The following DHX38 variants were observed in gnomAD, a reference collection of about 807,000 sequenced individuals.
The protein encoded by DHX38 is DEAH-box helicase 38.
In DHX38, 100 loss-of-function variants were observed where a neutral mutation model predicts 153.1. The observed-to-expected ratio is 0.65, with a 90% CI of 0.56 to 0.77. The LOEUF (loss-of-function observed/expected upper bound fraction) is 0.77, where lower values mean the gene tolerates loss of function less well. Among genes scored for constraint, DHX38 ranks in the 30% least tolerant of loss-of-function variants. The pLI, the probability that DHX38 is intolerant of heterozygous loss-of-function variation, is 0.00. For missense variants in DHX38, 1,440 were observed against 1,654.0 expected, an observed-to-expected ratio of 0.87 and a Z score of 2.24; for synonymous variants, 650 against 631.7, an observed-to-expected ratio of 1.03 and a Z score of -0.43.
chr16:72,098,839 G>C, intron 5 of DHX38, 47 bp downstream of exon 5: 1 of 1,613,360 alleles, frequency 6.2e-7, no homozygotes, highest in South Asian at 1.1e-5. Context: ...TGGGCGGTAA[G>C]GAGCCTCGGC....
At position 72,103,709 on chromosome 16, in the gene DHX38, G is replaced by A. The variant is rs1218669009; in HGVS notation, c.1745G>A (p.Cys582Tyr). 6 of 1,614,050 alleles carry A rather than the reference G, an allele frequency of 3.7e-6. No individual in the cohort carries two copies. The highest frequency in any genetic ancestry group is 5.1e-6 in the Non-Finnish European group (6 of 1,180,002). ...DGYTDYGMIG[C>Y]TQPRRVAAMS... Reference sequence around the variant, plus strand: ...TACACGGACTATGGGATGATTGGGTGTACCCAGCCCCGGCGTGTAGCTGCC... The same window carrying A: ...TACACGGACTATGGGATGATTGGGTATACCCAGCCCCGGCGTGTAGCTGCC... Residue 582 changes from cysteine to tyrosine, a missense_variant, in exon 13 of 27, where the codon TGT (cysteine) becomes TAT (tyrosine). By Grantham distance (194) the Cys-to-Tyr change is radical. This residue lies in a region of DHX38 where 241 missense variants were observed against 229.5 expected (regional missense o/e 1.05). Coordinates refer to ENST00000268482, the MANE Select transcript of DHX38 (RefSeq NM_014003.4).
Position 72,096,785 on chromosome 16 carries a change from A to G in DHX38, c.324-37A>G, listed in dbSNP as rs565114277. The G allele has an allele frequency of 5.7e-6, 9 of 1,584,672 alleles. No individual in the cohort carries two copies. The East Asian group carries it at 1.3e-4, about 24-fold the overall frequency. ...GGTTTTAGGGCAGAGTTTTTCTCCT[A>G]TGGAGGGGCCTTTACCAGTTGCTCT... On this transcript the variant is annotated intron_variant, in intron 2 of 26. Coordinates refer to ENST00000268482, the MANE Select transcript of DHX38 (RefSeq NM_014003.4).
chr16:72,099,054 T>A lies in DHX38; in HGVS notation c.883+9T>A, dbSNP rs1411105979. On this transcript the variant is annotated intron_variant, in intron 6 of 26. Transcript: ENST00000268482. ...TCTGTCCAGGGGCCGAGGTGAGGCC[T>A]GTGGGGCAGCAGGCAGAAGAGCAGG... The A allele has an allele frequency of 6.8e-6, 11 of 1,612,212 alleles. No homozygotes were observed. Among genetic ancestry groups the A allele is most frequent in the Non-Finnish European group, 8.5e-6 (10 of 1,179,842 alleles).
intron 3 of DHX38, chr16:72,097,470 T>TG: frequency 1.9e-6 from 1 of 531,326 alleles, no homozygotes; most frequent in East Asian, 3.0e-5. Flanking sequence ...AAATAACTGT[T>TG]ACTGTGGGTT....
Position 72,097,739 on chromosome 16 carries a change from A to T in DHX38, c.574A>T (p.Ser192Cys), listed in dbSNP as rs2144134065. 6.2e-7 allele frequency: 1 copy of T among 1,614,190 alleles called. No homozygotes were observed. Among genetic ancestry groups the T allele is most frequent in the South Asian group, 1.1e-5 (1 of 91,070 alleles). ...SERDGGSERSSRRNEPESPRH... is the reference protein window; with the variant it reads ...SERDGGSERSCRRNEPESPRH... The stretch of plus-strand genomic sequence containing the variant: ...GCGAGATGGAGGGTCAGAGCGTAGC[A>T]GCAGAAGAAATGAACCCGAGAGCCC... Residue 192 changes from serine (S) to cysteine (C), a missense_variant, in exon 4 of 27, where the codon AGC becomes TGC. Physicochemically the swap from Ser to Cys is moderately radical, Grantham distance 112. Coordinates refer to ENST00000268482, the MANE Select transcript of DHX38 (RefSeq NM_014003.4).
At chr16:72,111,525 C>G (rs2042256337) in intron 26 of DHX38, among the ~76,000 whole-genome samples, 1 of 152,192 alleles carries the variant, frequency 6.6e-6, no homozygotes, top group Non-Finnish European at 1.5e-5. Context: ...CCCATGGACC[C>G]CTGCAGGTTC....
chr16:72,104,540 G>A lies in DHX38; in HGVS notation c.2065G>A (p.Ala689Thr). 1.2e-6 allele frequency: 2 copies of A among 1,614,182 alleles called. No individual in the cohort carries two copies. Among genetic ancestry groups the A allele is most frequent in the Non-Finnish European group, 8.5e-7 (1 of 1,180,032 alleles). The change falls in exon 15 of 27, where the codon GCG becomes ACG. Residue 689 changes from alanine to threonine, a missense_variant. Physicochemically the swap from Ala to Thr is moderately conservative, Grantham distance 58. Around this residue, in one of 6 missense-constraint regions of DHX38, gnomAD observed 543 missense variants for 717.9 expected, o/e 0.76. Transcript: ENST00000268482. This position sits in a 1 kb window ranked among gnomAD's most constrained non-coding sequence, Gnocchi z 4.5. ...KLIVTSATMDAEKFAAFFGNV... is the reference protein window; with the variant it reads ...KLIVTSATMDTEKFAAFFGNV... ...CATCGTCACATCAGCCACGATGGAT[G>A]CGGAGAAGTTTGCTGCCTTTTTTGG...
At position 72,107,589 on chromosome 16, in the gene DHX38, C is replaced by G. The variant is rs376265558; in HGVS notation, c.2809+41C>G. 39 of 1,608,006 alleles carry G rather than the reference C, an allele frequency of 2.4e-5. No individual in the cohort carries two copies. Among genetic ancestry groups the G allele is most frequent in the Non-Finnish European group, 3.1e-5 (37 of 1,175,024 alleles). ...GAGCCTCATGGGTGCTGGCGCTTGA[C>G]TTCCTTCTTTCCTCTACTGTCCCGT... On this transcript the variant is annotated intron_variant, in intron 20 of 26. Transcript: ENST00000268482. The surrounding 1 kb of genome is among the most constrained non-coding windows in gnomAD (Gnocchi z 5.3).
chr16:72,096,409 G>A lies in DHX38; in HGVS notation c.252G>A (p.Glu84=), dbSNP rs142792449. 3 of 1,614,096 alleles carry A rather than the reference G, an allele frequency of 1.9e-6. No homozygotes were observed. Among genetic ancestry groups the A allele is most frequent in the Non-Finnish European group, 2.5e-6 (3 of 1,180,020 alleles). The change falls in exon 2 of 27, where the codon GAG becomes GAA. Residue 84 remains glutamate (E), a synonymous_variant. Coordinates refer to ENST00000268482, the MANE Select transcript of DHX38 (RefSeq NM_014003.4). ...TCTCCTCCTACAAGGACTGGGAAGAGAGCAAGGATGACCAGAAGGATGCTG... is the reference window on the plus strand; with the variant it reads ...TCTCCTCCTACAAGGACTGGGAAGAAAGCAAGGATGACCAGAAGGATGCTG... ...SKVSSYKDWE[E]SKDDQKDAEE... is the part of the protein sequence containing the mutation.
chr16:72,108,425 C>G, intron 22 of DHX38, 43 bp downstream of exon 22: 2 of 1,613,468 alleles, frequency 1.2e-6, no homozygotes, highest in African/African-American at 2.7e-5. Flanking sequence ...AGGGGAGGGT[C>G]GAGAGGAAAG....
rs763358549 is a variant in DHX38, at chr16:72,112,686, C to T, written c.*189C>T. 2.5e-5 allele frequency: 18 copies of T among 727,174 alleles called. No homozygotes were observed. The highest frequency in any genetic ancestry group is 2.3e-4 in the Middle Eastern group (1 of 4,430). 45.0% of individuals were successfully genotyped at this position (727,174 alleles called of 1,614,324 possible). A position where few individuals can be genotyped will look rare whatever the true frequency, so the allele number is the denominator to read the frequency against. ...GGTGGAGTTCTTCCATGCAGGAGCA[C>T]GGCATGGCGGGAGCGGGGCTGCAGA... On this transcript the variant is annotated 3_prime_UTR_variant, in exon 27 of 27. Coordinates refer to ENST00000268482, the MANE Select transcript of DHX38 (RefSeq NM_014003.4).
chr16:72,103,937 G>C lies in DHX38; in HGVS notation c.1825-9G>C, dbSNP rs950186007. On this transcript the variant is annotated splice_polypyrimidine_tract_variant and intron_variant, in intron 13 of 26. Coordinates refer to ENST00000268482, the MANE Select transcript of DHX38 (RefSeq NM_014003.4). ...GCCAGGGCATCTGAGCCATCTCTCT[G>C]ACCTCCAGGTGGGCTATGCCATCCG... 47 of 1,613,054 alleles carry C rather than the reference G, an allele frequency of 2.9e-5. No homozygotes were observed. The highest frequency in any genetic ancestry group is 3.7e-5 in the Non-Finnish European group (44 of 1,179,194).
At chr16:72,112,344 G>GC (rs1178737144) in intron 26 of DHX38, 69 bp from the exon 27 acceptor site, 2 of 1,500,810 alleles carry the variant, frequency 1.3e-6, no homozygotes, top group Non-Finnish European at 1.8e-6. Context: ...CTGGGGCTCT[G>GC]CATCCTCCTG....
chr16:72,103,144 T>G lies in DHX38; in HGVS notation c.1570T>G (p.Ser524Ala). Residue 524 changes from serine (S) to alanine (A), a missense_variant, in exon 12 of 27, where the codon TCC (serine) becomes GCC (alanine). This residue lies in a region of DHX38 where 241 missense variants were observed against 229.5 expected (regional missense o/e 1.05). Transcript: ENST00000268482. ...EASSEFAKKKSILEQRQYLPI... is the reference protein window; with the variant it reads ...EASSEFAKKKAILEQRQYLPI... ...CAGCAGTGAATTTGCAAAGAAGAAGTCCATCCTGGAGCAGAGGCAGTACCT... is the reference window on the plus strand; with the variant it reads ...CAGCAGTGAATTTGCAAAGAAGAAGGCCATCCTGGAGCAGAGGCAGTACCT... The G allele has an allele frequency of 6.2e-7, 1 of 1,614,160 alleles. No homozygotes were observed. Among genetic ancestry groups the G allele is most frequent in the Non-Finnish European group, 8.5e-7 (1 of 1,180,012 alleles).
chr16:72,104,112 T>C lies in DHX38; in HGVS notation c.1991T>C (p.Leu664Pro). 6.2e-7 allele frequency: 1 copy of C among 1,613,976 alleles called. No homozygotes were observed. The highest frequency in any genetic ancestry group is 8.5e-7 in the Non-Finnish European group (1 of 1,179,908). The change falls in exon 14 of 27, where the codon CTC becomes CCC. Residue 664 changes from leucine (L) to proline (P), a missense_variant. Physicochemically the swap from Leu to Pro is moderately conservative, Grantham distance 98. Transcript: ENST00000268482. This position sits in a 1 kb window ranked among gnomAD's most constrained non-coding sequence, Gnocchi z 4.5. ...GAGCGCTCCCTCAACACTGACGTGC[T>C]CTTTGGGCTGCTCCGGGAGGTGAGG... ...AHERSLNTDV[L>P]FGLLREVVAR...
intron 10 of DHX38, 114 bp downstream of exon 10, chr16:72,101,307 C>A: frequency 1.6e-6 from 2 of 1,270,764 alleles, no homozygotes; most frequent in Non-Finnish European, 2.2e-6. Flanking sequence ...TCTATCAAGT[C>A]CTTAGGCCCG....
At chr16:72,102,866 G>A (rs1434712120) in intron 11 of DHX38, among the ~76,000 whole-genome samples, 1 of 152,214 alleles carries the variant, frequency 6.6e-6, no homozygotes, top group East Asian at 1.9e-4. Context: ...GGACCCTGTG[G>A]TGTCGAGTGT....
rs776495512 is a variant in DHX38, at chr16:72,105,636, CAT to C, written c.2487+13_2487+14del. On this transcript the variant is annotated intron_variant, in intron 18 of 26. Transcript: ENST00000268482. ...ATTGCAAATTAAAGGTAAGAGAAGA[CAT>C]GGGAGGCAAGGCCTGGGTGTTCACC... 4 of 1,613,524 alleles carry C rather than the reference CAT, an allele frequency of 2.5e-6. No individual in the cohort carries two copies. Among genetic ancestry groups the C allele is most frequent in the Non-Finnish European group, 3.4e-6 (4 of 1,179,482 alleles).
Position 72,104,598 on chromosome 16 carries a change from C to A in DHX38, c.2123C>A (p.Thr708Asn). 1 of 1,614,180 alleles carries A rather than the reference C, an allele frequency of 6.2e-7. No homozygotes were observed. Among genetic ancestry groups the A allele is most frequent in the East Asian group, 2.2e-5 (1 of 44,868 alleles). Reference protein sequence around the residue: ...NVPIFHIPGRTFPVDILFSKT... With the variant: ...NVPIFHIPGRNFPVDILFSKT... ...CCCATCTTCCACATCCCTGGCCGTA[C>A]CTTCCCTGTTGACATCCTCTTCAGC... The change falls in exon 15 of 27, where the codon ACC becomes AAC. Residue 708 changes from threonine to asparagine, a missense_variant. Thr to Asn is a moderately conservative substitution (Grantham distance 65). Around this residue, in one of 6 missense-constraint regions of DHX38, gnomAD observed 543 missense variants for 717.9 expected, o/e 0.76. Coordinates refer to ENST00000268482, the MANE Select transcript of DHX38 (RefSeq NM_014003.4). This position sits in a 1 kb window ranked among gnomAD's most constrained non-coding sequence, Gnocchi z 4.5.
Sources: allele counts gnomAD v4.1 joint callset (sites outside exome capture counted in the v4.1 genomes callset), GRCh38; gene constraint gnomAD v4.1.1; regional missense constraint gnomAD v4.1.1; non-coding constraint Gnocchi (gnomAD v3.1); transcripts MANE v1.5; gene names NCBI Gene and HGNC (gene_info 2026-07-23, HGNC 2026-07-21).